The following ARHGEF11 variants were observed in gnomAD, a reference collection of about 807,000 sequenced individuals.
ARHGEF11 encodes the protein Rho guanine exchange factor (GEF) 11.
In ARHGEF11, 55 loss-of-function variants were observed where a neutral mutation model predicts 193.7. That is an observed-to-expected ratio of 0.28 (90% CI 0.23 to 0.36). ARHGEF11 has a LOEUF of 0.36. Ranked by LOEUF, ARHGEF11 falls within the 10% of genes least tolerant of loss-of-function variation. The pLI, the probability that ARHGEF11 is intolerant of heterozygous loss-of-function variation, is 1.00. For missense variants in ARHGEF11, 1,723 were observed against 2,005.6 expected (o/e 0.86, Z 2.69); for synonymous variants, 693 against 768.0 (o/e 0.90, Z 1.62).
intron 33 of ARHGEF11, 23 bp downstream of exon 33, chr1:156,942,667 G>A (rs746947972): frequency 1.2e-6 from 2 of 1,608,024 alleles, no homozygotes; most frequent in South Asian, 1.1e-5. Context: ...ACAGTTACGG[G>A]TAACCCCTCA....
chr1:156,949,160 C>A (rs1490325510), intron 22 of ARHGEF11: 1 of 975,684 alleles, frequency 1.0e-6, no homozygotes, highest in Non-Finnish European at 1.2e-6. Context: ...CAAGAGCAGA[C>A]AGGCTTGTGC....
intron 10 of ARHGEF11, 135 bp downstream of exon 10, chr1:156,969,147 G>T: frequency 1.4e-6 from 1 of 702,264 alleles, no homozygotes; most frequent in South Asian, 1.8e-5. Flanking sequence ...AGAGCACAGT[G>T]ATTATATCCT....
At chr1:156,946,398 T>C (rs1658124381) in intron 28 of ARHGEF11, among the ~76,000 whole-genome samples, 2 of 152,154 alleles carry the variant, frequency 1.3e-5, no homozygotes, top group Admixed American at 6.5e-5. Context: ...TTGCTGCCAT[T>C]CTATAGACAA....
intron 1 of ARHGEF11, among the ~76,000 whole-genome samples, chr1:156,998,421 T>G (rs1666818085): frequency 6.6e-6 from 1 of 152,178 alleles, no homozygotes; most frequent in South Asian, 2.1e-4. Flanking sequence ...TGTGGTGAAG[T>G]GTGGAGTTAG....
In ARHGEF11 at chr1:156,941,933, G is replaced by A. The variant is rs199858760; in HGVS notation, c.3383C>T (p.Ala1128Val). The A allele has an allele frequency of 6.2e-7, 1 of 1,614,094 alleles. No individual in the cohort carries two copies. The highest frequency in any genetic ancestry group is 8.5e-7 in the Non-Finnish European group (1 of 1,179,998). The change falls in exon 34 of 41, where the codon GCC (alanine) becomes GTC (valine). Residue 1128 changes from alanine (A) to valine (V), a missense_variant. Coordinates refer to ENST00000368194, the MANE Select transcript of ARHGEF11 (RefSeq NM_198236.3). Reference protein sequence around the residue: ...VRNATRHPGAAPMPVHPPPPG... With the variant: ...VRNATRHPGAVPMPVHPPPPG... ...GGGTGGAGGATGGACGGGCATTGGG[G>A]CAGCTCCGGGGTGCCTGGTGGCATT...
intron 35 of ARHGEF11, 147 bp downstream of exon 35, chr1:156,941,225 C>T (rs979126496): frequency 3.2e-5 from 22 of 690,926 alleles, no homozygotes; most frequent in Non-Finnish European, 5.6e-5. Context: ...CAGACTCTTC[C>T]TCCCGCCCTG....
chr1:156,936,726 A>G, intron 40 of ARHGEF11, 90 bp downstream of exon 40: 1 of 1,410,424 alleles, frequency 7.1e-7, no homozygotes, highest in Non-Finnish European at 9.6e-7. Context: ...TCTCAGAACC[A>G]CCATCTCTCA....
chr1:156,963,833 T>C (rs1661325931), intron 11 of ARHGEF11: 8 of 1,242,380 alleles, frequency 6.4e-6, no homozygotes, highest in South Asian at 2.0e-5. Context: ...TCACATGACA[T>C]ATGAAGATGG....
rs751271060 is a variant in ARHGEF11 at position 156,977,009 on chromosome 1, G to A, written c.556C>T (p.Leu186=). The stretch of plus-strand genomic sequence containing the variant: ...TGTAATTCTTTTTCTTCCTGCCTCA[G>A]CATATTCCTGAGGATCTGGGTGGCA... ...KHATQILRNM[L]RQEEKELQRI... is the part of the protein sequence containing the mutation. The change falls in exon 7 of 41, where the codon CTG becomes TTG. Residue 186 remains leucine, a synonymous_variant. Transcript: ENST00000368194. 2 of 1,614,058 alleles carry A rather than the reference G, an allele frequency of 1.2e-6. No homozygotes were observed. The highest frequency in any genetic ancestry group is 2.2e-5 in the East Asian group (1 of 44,874).
chr1:156,966,514 C>T (rs1379636057), intron 11 of ARHGEF11, among the ~76,000 whole-genome samples: 1 of 152,204 alleles, frequency 6.6e-6, no homozygotes, highest in East Asian at 1.9e-4. Flanking sequence ...AGATGACAAC[C>T]CACAGTTTGA....
At chr1:157,042,695 C>T (rs893250933) in intron 1 of ARHGEF11, among the ~76,000 whole-genome samples, 1 of 152,138 alleles carries the variant, frequency 6.6e-6, no homozygotes, top group Non-Finnish European at 1.5e-5. Context: ...GATATCCAAA[C>T]CCCCAGGAGT....
At chr1:156,961,298 G>C (rs900331614) in intron 14 of ARHGEF11, among the ~76,000 whole-genome samples, 13 of 152,340 alleles carry the variant, frequency 8.5e-5, no homozygotes, top group Non-Finnish European at 1.5e-4. Flanking sequence ...AGAAACCTGG[G>C]TTCTCCTCTT....
At chr1:157,006,522 T>C (rs1176385767) in intron 1 of ARHGEF11, among the ~76,000 whole-genome samples, 1 of 152,130 alleles carries the variant, frequency 6.6e-6, no homozygotes, top group East Asian at 1.9e-4. Context: ...CTAGTTTCTC[T>C]CTTTCCTGGG....
At chr1:156,952,244 G>C (rs1247921561) in intron 21 of ARHGEF11, among the ~76,000 whole-genome samples, 1 of 152,120 alleles carries the variant, frequency 6.6e-6, no homozygotes, top group Non-Finnish European at 1.5e-5. Flanking sequence ...AGGTGACCTA[G>C]GAGGAACAGA....
chr1:156,974,268 A>C (rs1318872411), intron 7 of ARHGEF11, among the ~76,000 whole-genome samples: 1 of 151,978 alleles, frequency 6.6e-6, no homozygotes, highest in Non-Finnish European at 1.5e-5. Context: ...TGGTCTCACT[A>C]TGCTGCCCAG....
At chr1:156,985,982 G>C in intron 2 of ARHGEF11, 100 bp downstream of exon 2, 1 of 949,186 alleles carries the variant, frequency 1.1e-6, no homozygotes, top group South Asian at 1.4e-5. Context: ...AGAGCTCTTC[G>C]GCTCAAGCGA....
chr1:156,980,845 G>GA (rs1664054962), intron 3 of ARHGEF11, among the ~76,000 whole-genome samples: 1 of 103,806 alleles, frequency 9.6e-6, no homozygotes, highest in Non-Finnish European at 1.9e-5. Context: ...GGGGGGGGGG[G>GA]GGAAATGAGT....
intron 1 of ARHGEF11, among the ~76,000 whole-genome samples, chr1:157,030,844 C>T (rs760138113): frequency 6.6e-6 from 1 of 152,176 alleles, no homozygotes; most frequent in Non-Finnish European, 1.5e-5. Flanking sequence ...TTGCCAAATA[C>T]ATCTTGTAGT....
intron 1 of ARHGEF11, among the ~76,000 whole-genome samples, chr1:156,995,959 G>A (rs1221549911): frequency 6.6e-6 from 1 of 152,186 alleles, no homozygotes; most frequent in Non-Finnish European, 1.5e-5. Context: ...CAATAAATAT[G>A]TGTTGGAAGA....
Sources: allele counts gnomAD v4.1 joint callset (sites outside exome capture counted in the v4.1 genomes callset), GRCh38; gene constraint gnomAD v4.1.1; transcripts MANE v1.5; gene names NCBI Gene and HGNC (gene_info 2026-07-23, HGNC 2026-07-21).